Variants in NRXN3 observed in about 807,000 individuals in gnomAD.
The protein encoded by NRXN3 is neurexin III.
A neutral mutation model predicts 137.6 loss-of-function variants in NRXN3; 32 were observed. That is an observed-to-expected ratio of 0.23 (90% confidence interval 0.18 to 0.31). The LOEUF (loss-of-function observed/expected upper bound fraction) is 0.31. NRXN3 is among the 10% of genes least tolerant of loss of function. The probability of loss-of-function intolerance (pLI) is 1.00; values close to 1 mark genes in which losing one functional copy is unlikely to be tolerated. For synonymous variants in NRXN3, 798 were observed against 784.5 expected (o/e 1.02, Z -0.29); for missense variants, 1,574 against 2,062.5 (o/e 0.76, Z 4.59).
At chr14:78,358,038 G>A (rs766479080) in intron 4 of NRXN3, among the ~76,000 whole-genome samples, 1 of 152,174 alleles carries the variant, frequency 6.6e-6, no homozygotes, top group Non-Finnish European at 1.5e-5. Flanking sequence ...GAGTTGAGGG[G>A]GTTGAGAATA....
rs79835056 is a variant in NRXN3 at position 78,663,971 on chromosome 14, T to C, written c.1221+12645T>C. On this transcript the variant is annotated intron_variant, in intron 6 of 20. Coordinates refer to ENST00000335750, the MANE Select transcript of NRXN3 (RefSeq NM_001330195.2). ...TGCAGAAACGACTATTCCATTAGTG[T>C]TGCGGTGCTTTTGTAACCTTGTGTT... is the stretch of plus-strand genomic sequence containing the variant. Among the ~76,000 whole-genome samples the C allele has an allele frequency of 4.0e-3, 607 of 152,374 alleles. 6 individuals are homozygous for C. Among genetic ancestry groups the C allele is most frequent in the African/African-American group, 0.013 (554 of 41,594 alleles).
At position 79,451,640 on chromosome 14, in the gene NRXN3, CT is replaced by C. The variant is rs552897435; in HGVS notation, c.3263-15578del. 5.9e-5 allele frequency among the ~76,000 whole-genome samples: 9 copies of C among 152,270 alleles called. No individual in the cohort carries two copies. The South Asian group carries it at 1.5e-3, about 25-fold the overall frequency. On this transcript the variant is annotated intron_variant, in intron 15 of 20. Transcript: ENST00000335750. The stretch of plus-strand genomic sequence containing the variant: ...CTTCAAGGCAGGTAGACCTTTTGAG[CT>C]TTAATTTGTTCCTAGAAGGAACCTC...
chr14:79,679,324 A>G (rs2098657557), intron 17 of NRXN3, among the ~76,000 whole-genome samples: 1 of 152,162 alleles, frequency 6.6e-6, no homozygotes, highest in South Asian at 2.1e-4. Context: ...ATATCTTTAC[A>G]CGTAAAATCA....
At chr14:79,267,916 T>A (rs2078692992) in intron 15 of NRXN3, among the ~76,000 whole-genome samples, 1 of 152,276 alleles carries the variant, frequency 6.6e-6, no homozygotes, top group Non-Finnish European at 1.5e-5. Flanking sequence ...ATGTTCCATA[T>A]ATTCTTAAAA....
intron 16 of NRXN3, among the ~76,000 whole-genome samples, chr14:79,541,803 G>A (rs28484682): frequency 0.068 from 10,376 of 152,154 alleles, 1,187 homozygotes; most frequent in African/African-American, 0.23. Flanking sequence ...TCATTGTTTC[G>A]ATGAGGACAC....
At chr14:79,059,511 C>T (rs1347855267) in intron 15 of NRXN3, among the ~76,000 whole-genome samples, 1 of 152,086 alleles carries the variant, frequency 6.6e-6, no homozygotes, top group Non-Finnish European at 1.5e-5. Context: ...CCAGCCTTGA[C>T]CTCCCAAAGT....
intron 16 of NRXN3, among the ~76,000 whole-genome samples, chr14:79,506,276 G>GA (rs569070222): frequency 8.5e-5 from 13 of 152,124 alleles, no homozygotes; most frequent in African/African-American, 2.2e-4. Flanking sequence ...GTAAATGACT[G>GA]AAAAAATCTG....
intron 17 of NRXN3, among the ~76,000 whole-genome samples, chr14:79,668,087 A>T (rs1201931166): frequency 2.6e-5 from 4 of 152,146 alleles, no homozygotes; most frequent in South Asian, 4.1e-4. Flanking sequence ...CTCTTCACAG[A>T]ATTCCTCTTC....
At chr14:78,202,859 A>T (rs904064927) in intron 1 of NRXN3, among the ~76,000 whole-genome samples, 2 of 152,192 alleles carry the variant, frequency 1.3e-5, no homozygotes, top group Non-Finnish European at 2.9e-5. Flanking sequence ...ACCCAATGCC[A>T]TAGGTAGAAT....
At chr14:79,023,022 A>G (rs2099592172) in intron 15 of NRXN3, among the ~76,000 whole-genome samples, 1 of 151,186 alleles carries the variant, frequency 6.6e-6, no homozygotes, top group Non-Finnish European at 1.5e-5. Flanking sequence ...ATTTCTGGGC[A>G]CCTCTCCTGC....
At chr14:79,113,626 T>C (rs2053908477) in intron 15 of NRXN3, among the ~76,000 whole-genome samples, 1 of 152,226 alleles carries the variant, frequency 6.6e-6, no homozygotes, top group Non-Finnish European at 1.5e-5. Context: ...GTCTACTTTC[T>C]GGAATACATC....
chr14:79,216,828 C>T (rs550139179), intron 15 of NRXN3, among the ~76,000 whole-genome samples: 154 of 151,986 alleles, frequency 1.0e-3, no homozygotes, highest in Non-Finnish European at 1.9e-3. Flanking sequence ...ACCTGAGGCT[C>T]GATAATTTAT....
intron 20 of NRXN3, among the ~76,000 whole-genome samples, chr14:79,833,927 C>G (rs974340588): frequency 6.6e-6 from 1 of 152,112 alleles, no homozygotes; most frequent in African/African-American, 2.4e-5. Context: ...AGCAACCATT[C>G]TAATATATAT....
chr14:79,487,038 T>C (rs2096663946), intron 16 of NRXN3, among the ~76,000 whole-genome samples: 1 of 150,888 alleles, frequency 6.6e-6, no homozygotes. Context: ...AGAGCAAAGG[T>C]TCTGCAGCCA....
chr14:78,775,149 G>A (rs1217211253), intron 8 of NRXN3, among the ~76,000 whole-genome samples: 1 of 152,108 alleles, frequency 6.6e-6, no homozygotes, highest in Non-Finnish European at 1.5e-5. Context: ...CACCCCTAAT[G>A]GGTATAATGC....
chr14:79,452,426 A>G (rs2096190054), intron 15 of NRXN3, among the ~76,000 whole-genome samples: 2 of 152,196 alleles, frequency 1.3e-5, no homozygotes, highest in Admixed American at 6.5e-5. Flanking sequence ...TATCTGTACT[A>G]TTGAATCAAT....
chr14:79,586,456 G>T (rs909706876), intron 16 of NRXN3, among the ~76,000 whole-genome samples: 1 of 152,090 alleles, frequency 6.6e-6, no homozygotes, highest in Non-Finnish European at 1.5e-5. Flanking sequence ...TGTTGAATAT[G>T]GTCAGATGTT....
intron 1 of NRXN3, among the ~76,000 whole-genome samples, chr14:78,180,937 C>T (rs1346217131): frequency 1.3e-5 from 2 of 152,144 alleles, no homozygotes; most frequent in African/African-American, 4.8e-5. Context: ...AATTCCAAAC[C>T]CATGCTGCAC....
intron 20 of NRXN3, among the ~76,000 whole-genome samples, chr14:79,807,510 G>A (rs989974236): frequency 2.0e-5 from 3 of 152,108 alleles, no homozygotes; most frequent in African/African-American, 4.8e-5. Context: ...CTTGAATAGC[G>A]TAAACCTGAA....
Sources: allele counts gnomAD v4.1 joint callset (sites outside exome capture counted in the v4.1 genomes callset), GRCh38; gene constraint gnomAD v4.1.1; transcripts MANE v1.5; gene names NCBI Gene and HGNC (gene_info 2026-07-23, HGNC 2026-07-21).